GRIK2: variants seen among roughly 807,000 people sequenced by gnomAD.
GRIK2 encodes the protein glutamate receptor ionotropic, kainate 2.
In GRIK2, 32 loss-of-function variants were observed where a neutral mutation model predicts 100.3. The ratio of observed to expected loss-of-function variants is 0.32; its 90% confidence interval spans 0.24 to 0.43. The LOEUF is 0.43. Ranked by LOEUF, GRIK2 falls within the 20% of genes least tolerant of loss-of-function variation. The pLI, the probability that GRIK2 is intolerant of heterozygous loss-of-function variation, is 1.00. For missense variants in GRIK2, 843 were observed against 1,114.9 expected (o/e 0.76, Z 3.47); for synonymous variants, 417 against 389.4 (o/e 1.07, Z -0.83).
intron 14 of GRIK2, among the ~76,000 whole-genome samples, chr6:102,033,585 G>C (rs1358952534): frequency 1.3e-5 from 2 of 151,184 alleles, no homozygotes; most frequent in Non-Finnish European, 3.0e-5. Context: ...GTGGAGTGAG[G>C]GTGTATTCTA....
At chr6:101,855,160 GT>G (rs948056635) in intron 10 of GRIK2, among the ~76,000 whole-genome samples, 1 of 152,114 alleles carries the variant, frequency 6.6e-6, no homozygotes, top group African/African-American at 2.4e-5. Context: ...AGAAAGGTAA[GT>G]TTTAAGCCTT....
intron 7 of GRIK2, among the ~76,000 whole-genome samples, chr6:101,766,636 T>G (rs1778060120): frequency 6.6e-6 from 1 of 152,162 alleles, no homozygotes; most frequent in Non-Finnish European, 1.5e-5. Flanking sequence ...CCAAATGACT[T>G]CTGGGAGTGT....
intron 2 of GRIK2, among the ~76,000 whole-genome samples, chr6:101,424,821 G>T (rs892147238): frequency 1.1e-4 from 16 of 150,656 alleles, no homozygotes; most frequent in Non-Finnish European, 1.8e-4. Flanking sequence ...GTGGTGTTTG[G>T]TTTTTTGTCC....
In GRIK2 at chr6:101,819,809, T is replaced by C. The variant is rs541581656; in HGVS notation, c.1317+1326T>C. 3.3e-5 allele frequency among the ~76,000 whole-genome samples: 5 copies of C among 150,676 alleles called. No homozygotes were observed. The East Asian group carries it at 9.7e-4, about 29-fold the overall frequency. ...GTGCACCCAAGTCCCACCATAAAAG[T>C]CTAATTCTGTTCCAGGCAAATGGTG... On this transcript the variant is annotated intron_variant, in intron 10 of 16. Coordinates refer to ENST00000369134, the MANE Select transcript of GRIK2 (RefSeq NM_021956.5).
At chr6:101,524,817 C>T (rs1213966584) in intron 2 of GRIK2, among the ~76,000 whole-genome samples, 4 of 151,594 alleles carry the variant, frequency 2.6e-5, no homozygotes, top group East Asian at 1.9e-4. Flanking sequence ...CTGCAACTTC[C>T]GCCTCCTGGG....
At chr6:101,928,723 A>C in intron 14 of GRIK2, 91 bp downstream of exon 14, 1 of 707,084 alleles carries the variant, frequency 1.4e-6, no homozygotes, top group Non-Finnish European at 2.6e-6. Context: ...TAACAACGCC[A>C]TTATTTGTGC....
intron 2 of GRIK2, among the ~76,000 whole-genome samples, chr6:101,569,934 A>G (rs1315324540): frequency 6.6e-6 from 1 of 152,138 alleles, no homozygotes; most frequent in African/African-American, 2.4e-5. Flanking sequence ...GTTTAACACA[A>G]ACATTTCTTA....
intron 7 of GRIK2, among the ~76,000 whole-genome samples, chr6:101,772,591 A>G (rs1778473988): frequency 6.6e-6 from 1 of 151,984 alleles, no homozygotes; most frequent in Non-Finnish European, 1.5e-5. Flanking sequence ...AATAGCCTGA[A>G]AGCAGATGTT....
chr6:101,992,582 A>C (rs187912178), intron 14 of GRIK2, among the ~76,000 whole-genome samples: 9 of 151,660 alleles, frequency 5.9e-5, no homozygotes, highest in South Asian at 2.1e-4. Context: ...GGATTTTGGT[A>C]AAGACGAAAA....
chr6:101,936,307 T>C (rs1410701136), intron 14 of GRIK2, among the ~76,000 whole-genome samples: 1 of 152,096 alleles, frequency 6.6e-6, no homozygotes, highest in East Asian at 1.9e-4. Flanking sequence ...AAATTATTTT[T>C]CCTTTATTAA....
At chr6:101,403,607 C>G (rs888194761) in intron 2 of GRIK2, among the ~76,000 whole-genome samples, 3 of 152,162 alleles carry the variant, frequency 2.0e-5, no homozygotes, top group South Asian at 4.1e-4. Context: ...CCCATTTGCT[C>G]ACAGATACAA....
chr6:101,557,942 G>A (rs1190080653), intron 2 of GRIK2, among the ~76,000 whole-genome samples: 2 of 152,212 alleles, frequency 1.3e-5, no homozygotes, highest in East Asian at 3.9e-4. Flanking sequence ...TGGCTGAACT[G>A]CAGGAAACTT....
intron 2 of GRIK2, among the ~76,000 whole-genome samples, chr6:101,432,941 CTG>C (rs1480984641): frequency 6.6e-6 from 1 of 152,018 alleles, no homozygotes; most frequent in Non-Finnish European, 1.5e-5. Flanking sequence ...TTTCCAGACT[CTG>C]TAATTTCAAG....
intron 7 of GRIK2, among the ~76,000 whole-genome samples, chr6:101,705,648 CAAAT>C (rs1201717738): frequency 2.0e-5 from 3 of 151,774 alleles, no homozygotes; most frequent in Non-Finnish European, 4.4e-5. Flanking sequence ...TCAAATGCAT[CAAAT>C]AAATTAAAAT....
chr6:101,921,615 G>A (rs1789526164), intron 12 of GRIK2, among the ~76,000 whole-genome samples: 1 of 152,076 alleles, frequency 6.6e-6, no homozygotes, highest in Admixed American at 6.6e-5. Flanking sequence ...GCTAGAATAA[G>A]AGTTGTGTTC....
At chr6:101,620,215 G>A (rs1224839548) in intron 2 of GRIK2, 14 of 908,596 alleles carry the variant, frequency 1.5e-5, no homozygotes, top group Non-Finnish European at 1.8e-5. Context: ...AGGGTAGAGA[G>A]TAAAGAAGAA....
chr6:101,667,686 GTAT>G (rs1181244115), intron 4 of GRIK2, among the ~76,000 whole-genome samples: 3 of 152,050 alleles, frequency 2.0e-5, no homozygotes, highest in South Asian at 2.1e-4. Flanking sequence ...CATCTATACT[GTAT>G]TATTATTATG....
At chr6:101,794,507 T>C (rs1780153145) in intron 7 of GRIK2, among the ~76,000 whole-genome samples, 1 of 152,236 alleles carries the variant, frequency 6.6e-6, no homozygotes, top group African/African-American at 2.4e-5. Context: ...ATATCGTTTG[T>C]TCCCTTCTTT....
At chr6:102,011,875 C>T (rs1795561758) in intron 14 of GRIK2, among the ~76,000 whole-genome samples, 1 of 152,142 alleles carries the variant, frequency 6.6e-6, no homozygotes, top group East Asian at 1.9e-4. Context: ...GCGTGAGCCA[C>T]CACGCCAGGC....
Sources: gnomAD v4.1 joint callset for allele counts (sites outside exome capture counted in the v4.1 genomes callset) on GRCh38, gnomAD v4.1.1 for gene constraint, MANE v1.5 for transcripts, NCBI Gene and HGNC (gene_info 2026-07-23, HGNC 2026-07-21) for gene names.